HS3ST5: variants seen among roughly 807,000 people sequenced by gnomAD.
The protein encoded by HS3ST5 is heparan sulfate-glucosamine 3-sulfotransferase 5.
Under a neutral mutation model 25.4 loss-of-function variants are expected in HS3ST5, and 10 were observed. That is an observed-to-expected ratio of 0.39 (90% CI 0.24 to 0.67). The LOEUF (loss-of-function observed/expected upper bound fraction) is 0.67, where lower values mean the gene tolerates loss of function less well. HS3ST5 is among the 30% of genes least tolerant of loss of function. HS3ST5 has a pLI of 0.44. For synonymous variants in HS3ST5, 170 were observed against 162.4 expected (o/e 1.05, Z -0.36); for missense variants, 324 against 420.7 (o/e 0.77, Z 2.01).
chr6:114,189,140 T>C (rs1026341031), intron 2 of HS3ST5, among the ~76,000 whole-genome samples: 13 of 152,112 alleles, frequency 8.5e-5, no homozygotes, highest in African/African-American at 2.9e-4. Context: ...AAACATGATA[T>C]TGTGAGATAT....
At chr6:114,312,051 C>T (rs1264558887) in intron 1 of HS3ST5, among the ~76,000 whole-genome samples, 2 of 152,212 alleles carry the variant, frequency 1.3e-5, no homozygotes, top group African/African-American at 4.8e-5. Context: ...CTACCTAGAG[C>T]ATTCTTGTCT....
At chr6:114,066,397 G>A (rs937121708) in intron 3 of HS3ST5, among the ~76,000 whole-genome samples, 1 of 152,188 alleles carries the variant, frequency 6.6e-6, no homozygotes, top group African/African-American at 2.4e-5. Flanking sequence ...GCTCACGCCT[G>A]TAATCTCAGC....
At chr6:114,341,644 T>G (rs1776880558) in intron 1 of HS3ST5, among the ~76,000 whole-genome samples, 1 of 143,460 alleles carries the variant, frequency 7.0e-6, no homozygotes, top group African/African-American at 2.8e-5. Flanking sequence ...AGTGGGGCTG[T>G]GAGGGGTGTG....
intron 3 of HS3ST5, among the ~76,000 whole-genome samples, chr6:114,126,497 T>A (rs1052643830): frequency 1.3e-5 from 2 of 152,194 alleles, no homozygotes; most frequent in African/African-American, 4.8e-5. Context: ...TGCAGTGTAA[T>A]TTTGAAGAAA....
At chr6:114,335,989 C>T (rs941573106) in intron 1 of HS3ST5, among the ~76,000 whole-genome samples, 1 of 152,132 alleles carries the variant, frequency 6.6e-6, no homozygotes, top group Non-Finnish European at 1.5e-5. Context: ...TCAGCATAGG[C>T]CTTTAAATCT....
chr6:114,332,816 G>C (rs533644002), intron 1 of HS3ST5, among the ~76,000 whole-genome samples: 2 of 152,146 alleles, frequency 1.3e-5, no homozygotes, highest in East Asian at 3.9e-4. Flanking sequence ...TAAGAGGTTA[G>C]ACAAGCAGAG....
intron 3 of HS3ST5, among the ~76,000 whole-genome samples, chr6:114,155,982 A>G (rs140022985): frequency 8.5e-5 from 13 of 152,306 alleles, no homozygotes; most frequent in African/African-American, 2.9e-4. Context: ...AAAAAAACAA[A>G]TCCTGAGGAA....
At chr6:114,116,385 CTAG>C (rs1776529963) in intron 3 of HS3ST5, among the ~76,000 whole-genome samples, 1 of 152,028 alleles carries the variant, frequency 6.6e-6, no homozygotes, top group Non-Finnish European at 1.5e-5. Flanking sequence ...GACCCCAGTT[CTAG>C]TTTGCCTAGG....
At chr6:114,238,905 T>C (rs1771979048) in intron 1 of HS3ST5, 1 of 152,212 alleles carries the variant, frequency 6.6e-6, no homozygotes, top group Non-Finnish European at 1.5e-5. Context: ...ATATATAAAA[T>C]CTAGGTTTGT....
chr6:114,200,956 C>T (rs1187871486), intron 2 of HS3ST5, among the ~76,000 whole-genome samples: 1 of 152,124 alleles, frequency 6.6e-6, no homozygotes, highest in East Asian at 1.9e-4. Flanking sequence ...TTATTAGATA[C>T]AAGAGATGTT....
intron 1 of HS3ST5, among the ~76,000 whole-genome samples, chr6:114,286,408 T>A (rs909519436): frequency 6.6e-6 from 1 of 152,058 alleles, no homozygotes; most frequent in Admixed American, 6.6e-5. Context: ...TTATGCTTAG[T>A]CAACAATAAT....
intron 1 of HS3ST5, among the ~76,000 whole-genome samples, chr6:114,248,163 T>C (rs1267086860): frequency 6.7e-6 from 1 of 148,834 alleles, no homozygotes; most frequent in Non-Finnish European, 1.5e-5. Context: ...ATGGTGCCAC[T>C]GCACTCCAGC....
At chr6:114,308,551 C>T (rs1775395919) in intron 1 of HS3ST5, among the ~76,000 whole-genome samples, 1 of 152,264 alleles carries the variant, frequency 6.6e-6, no homozygotes, top group African/African-American at 2.4e-5. Context: ...CACACCACTG[C>T]ACTCCAGCCT....
chr6:114,183,244 T>C (rs895092446), intron 2 of HS3ST5, among the ~76,000 whole-genome samples: 4 of 152,174 alleles, frequency 2.6e-5, no homozygotes, highest in African/African-American at 7.2e-5. Context: ...TGGGAGCTAA[T>C]TGAACCACAG....
intron 1 of HS3ST5, among the ~76,000 whole-genome samples, chr6:114,327,683 C>T (rs1776227950): frequency 6.6e-6 from 1 of 151,846 alleles, no homozygotes; most frequent in Non-Finnish European, 1.5e-5. Flanking sequence ...GACTTTTAGA[C>T]TACCAGTAAA....
chr6:114,200,706 T>G (rs1393115929), intron 2 of HS3ST5, among the ~76,000 whole-genome samples: 1 of 152,134 alleles, frequency 6.6e-6, no homozygotes, highest in Non-Finnish European at 1.5e-5. Flanking sequence ...TAGTATTCTA[T>G]TTAAGGTTTT....
chr6:114,177,785 C>T (rs1441121369), intron 2 of HS3ST5, among the ~76,000 whole-genome samples: 1 of 152,076 alleles, frequency 6.6e-6, no homozygotes, highest in Non-Finnish European at 1.5e-5. Flanking sequence ...TATAAATGTA[C>T]ATGAAAAGCA....
intron 1 of HS3ST5, among the ~76,000 whole-genome samples, chr6:114,275,215 G>T (rs1053584816): frequency 6.6e-6 from 1 of 151,900 alleles, no homozygotes; most frequent in Non-Finnish European, 1.5e-5. Flanking sequence ...ATGTGTCAGA[G>T]TCATCTTCAT....
chr6:114,333,216 TC>T (rs1376065354), intron 1 of HS3ST5, among the ~76,000 whole-genome samples: 1 of 152,172 alleles, frequency 6.6e-6, no homozygotes, highest in South Asian at 2.1e-4. Flanking sequence ...GATTGTCACA[TC>T]TTGGTGACAG....
Sources: gnomAD v4.1 joint callset for allele counts (sites outside exome capture counted in the v4.1 genomes callset) on GRCh38, gnomAD v4.1.1 for gene constraint, MANE v1.5 for transcripts, NCBI Gene and HGNC (gene_info 2026-07-23, HGNC 2026-07-21) for gene names.